SCHIP1: variants seen among roughly 807,000 people sequenced by gnomAD.
SCHIP1 encodes schwannomin-interacting protein 1.
A neutral mutation model predicts 29.7 loss-of-function variants in SCHIP1; 8 were observed. That is an observed-to-expected ratio of 0.27 (90% CI 0.16 to 0.49). The LOEUF is 0.49. Among genes scored for constraint, SCHIP1 ranks in the 20% least tolerant of loss-of-function variants. The probability of loss-of-function intolerance (pLI) is 0.99; values close to 1 mark genes in which losing one functional copy is unlikely to be tolerated. For missense variants in SCHIP1, 193 were observed against 294.6 expected (o/e 0.66, Z 2.52); for synonymous variants, 76 against 94.9 (o/e 0.80, Z 1.16).
chr3:159,352,836 A>G, the SCHIP1 span, among the ~76,000 whole-genome samples: 1 of 151,942 alleles, frequency 6.6e-6, no homozygotes, highest in Admixed American at 6.6e-5. Context: ...TTTCAGAGAT[A>G]TTGCTTGGGA....
At chr3:159,620,577 C>T in the SCHIP1 span, among the ~76,000 whole-genome samples, 1 of 152,214 alleles carries the variant, frequency 6.6e-6, no homozygotes, top group African/African-American at 2.4e-5. Flanking sequence ...CCAGACTCTT[C>T]AAGTGAACTG....
At chr3:159,860,030 C>T (rs1296493017) in intron 1 of SCHIP1, among the ~76,000 whole-genome samples, 3 of 151,480 alleles carry the variant, frequency 2.0e-5, no homozygotes, top group Non-Finnish European at 4.4e-5. Context: ...TGTCTGTCTG[C>T]GTGTGTGCAC....
At chr3:159,357,273 T>A in the SCHIP1 span, among the ~76,000 whole-genome samples, 1 of 152,210 alleles carries the variant, frequency 6.6e-6, no homozygotes, top group Non-Finnish European at 1.5e-5. Flanking sequence ...CAGAATTTAC[T>A]AGGATTTACA....
the SCHIP1 span, among the ~76,000 whole-genome samples, chr3:159,355,891 A>AAATT: frequency 1.3e-5 from 2 of 152,108 alleles, no homozygotes; most frequent in Non-Finnish European, 2.9e-5. Context: ...TTTATTTTAG[A>AAATT]AATTAGAAGT....
upstream of SCHIP1, among the ~76,000 whole-genome samples, chr3:159,836,571 G>A (rs1415028638): frequency 6.6e-6 from 1 of 152,082 alleles, no homozygotes; most frequent in Admixed American, 6.5e-5. Flanking sequence ...TCCTTGCTTT[G>A]ATGGCTTTTT....
At chr3:159,395,235 G>T in the SCHIP1 span, among the ~76,000 whole-genome samples, 1 of 151,594 alleles carries the variant, frequency 6.6e-6, no homozygotes, top group Admixed American at 6.6e-5. Flanking sequence ...TCTTGCTAGC[G>T]GTCTATCTAT....
At chr3:159,889,420 C>T (rs1717271885) in intron 5 of SCHIP1, among the ~76,000 whole-genome samples, 1 of 152,172 alleles carries the variant, frequency 6.6e-6, no homozygotes, top group African/African-American at 2.4e-5. Flanking sequence ...ACAGACTTTT[C>T]TTCCCAGAAT....
the SCHIP1 span, among the ~76,000 whole-genome samples, chr3:159,540,350 A>C: frequency 6.6e-6 from 1 of 152,126 alleles, no homozygotes; most frequent in Non-Finnish European, 1.5e-5. Context: ...CTTCTCCAGC[A>C]ATGTAGCCAA....
At chr3:159,891,897 C>T (rs966001347) in intron 5 of SCHIP1, among the ~76,000 whole-genome samples, 200 bp from the exon 7 acceptor site, 4 of 152,186 alleles carry the variant, frequency 2.6e-5, no homozygotes. Context: ...GGAAATAGTT[C>T]GTACTTTACT....
the SCHIP1 span, among the ~76,000 whole-genome samples, chr3:159,481,370 C>T: frequency 2.0e-5 from 3 of 152,218 alleles, no homozygotes; most frequent in South Asian, 6.2e-4. Flanking sequence ...GAAGAGATCA[C>T]TAAGATAGAG....
At chr3:159,557,020 C>T in the SCHIP1 span, among the ~76,000 whole-genome samples, 5 of 151,410 alleles carry the variant, frequency 3.3e-5, no homozygotes, top group South Asian at 2.1e-4. Flanking sequence ...TGCAGTGGCA[C>T]GATCTCGGCT....
chr3:159,838,870 C>T (rs1435513524), upstream of SCHIP1, among the ~76,000 whole-genome samples: 7 of 143,704 alleles, frequency 4.9e-5, no homozygotes, highest in African/African-American at 1.5e-4. Context: ...CACTGCACTC[C>T]AGCCTGGGCA....
chr3:159,424,966 A>C, the SCHIP1 span, among the ~76,000 whole-genome samples: 1 of 152,076 alleles, frequency 6.6e-6, no homozygotes, highest in East Asian at 1.9e-4. Flanking sequence ...AGGAGAAATA[A>C]AATACTTTAC....
chr3:159,441,651 C>T, the SCHIP1 span, among the ~76,000 whole-genome samples: 3 of 152,162 alleles, frequency 2.0e-5, no homozygotes, highest in East Asian at 3.9e-4. Flanking sequence ...TAGACCCTGG[C>T]TTTGGGACCC....
At chr3:159,288,307 G>T in the SCHIP1 span, among the ~76,000 whole-genome samples, 3 of 152,082 alleles carry the variant, frequency 2.0e-5, no homozygotes, top group African/African-American at 7.2e-5. Context: ...AATTTAAAAC[G>T]ATGCCTAGCT....
the SCHIP1 span, among the ~76,000 whole-genome samples, chr3:159,428,577 A>C: frequency 1.3e-5 from 2 of 151,754 alleles, no homozygotes; most frequent in African/African-American, 4.8e-5. Flanking sequence ...GAGAAATAGG[A>C]ACACTTTTAC....
At chr3:159,631,848 T>A in the SCHIP1 span, among the ~76,000 whole-genome samples, 1 of 152,164 alleles carries the variant, frequency 6.6e-6, no homozygotes, top group Non-Finnish European at 1.5e-5. Context: ...AAAATTTTTT[T>A]AATAAGCAGT....
the SCHIP1 span, among the ~76,000 whole-genome samples, chr3:159,601,457 C>T: frequency 6.6e-6 from 1 of 152,208 alleles, no homozygotes; most frequent in African/African-American, 2.4e-5. Flanking sequence ...AGTTGTTACT[C>T]ACCACCTCAG....
chr3:159,488,858 C>A, the SCHIP1 span, among the ~76,000 whole-genome samples: 2 of 152,176 alleles, frequency 1.3e-5, no homozygotes, highest in Admixed American at 1.3e-4. Context: ...TAAAGCAGAT[C>A]TTATTAAAGT....
Sources: gnomAD v4.1 joint callset for allele counts (sites outside exome capture counted in the v4.1 genomes callset) on GRCh38, gnomAD v4.1.1 for gene constraint, MANE v1.5 for transcripts, NCBI Gene and HGNC (gene_info 2026-07-23, HGNC 2026-07-21) for gene names.